The following CSMD3 variants were observed in gnomAD, a reference collection of about 807,000 sequenced individuals.
CSMD3 encodes CUB and Sushi multiple domains 3, also known as CUB and sushi domain-containing protein 3.
In CSMD3, 177 loss-of-function variants were observed where a neutral mutation model predicts 435.2. The observed-to-expected ratio is 0.41, with a 90% CI of 0.36 to 0.46. CSMD3 has a LOEUF of 0.46. Ranked by LOEUF, CSMD3 falls within the 20% of genes least tolerant of loss-of-function variation. The pLI is 0.34. For missense variants in CSMD3, 4,265 were observed against 4,504.6 expected (o/e 0.95, Z 1.52); for synonymous variants, 1,656 against 1,520.5 (o/e 1.09, Z -2.07).
At chr8:112,698,963 GT>G (rs1355711958) in intron 13 of CSMD3, among the ~76,000 whole-genome samples, 2 of 152,024 alleles carry the variant, frequency 1.3e-5, no homozygotes, top group Non-Finnish European at 2.9e-5. Flanking sequence ...CTAAAGGTTT[GT>G]AAATGCACCA....
At chr8:112,530,635 T>C (rs946385207) in intron 27 of CSMD3, among the ~76,000 whole-genome samples, 3 of 152,008 alleles carry the variant, frequency 2.0e-5, no homozygotes, top group Non-Finnish European at 4.4e-5. Flanking sequence ...TTAGGAGAAA[T>C]GCCAAGAAAG....
intron 10 of CSMD3, among the ~76,000 whole-genome samples, chr8:112,898,178 G>T (rs2130403595): frequency 6.6e-6 from 1 of 151,240 alleles, no homozygotes; most frequent in Non-Finnish European, 1.5e-5. Flanking sequence ...ACCAACAGGA[G>T]AAAAGTATTA....
At chr8:112,608,516 C>T (rs1400089875) in intron 22 of CSMD3, among the ~76,000 whole-genome samples, 1 of 151,994 alleles carries the variant, frequency 6.6e-6, no homozygotes, top group Non-Finnish European at 1.5e-5. Context: ...CATCATACTT[C>T]CTGGTTTCAA....
chr8:113,084,104 T>C (rs927183903), intron 5 of CSMD3, among the ~76,000 whole-genome samples: 1 of 152,132 alleles, frequency 6.6e-6, no homozygotes, highest in Non-Finnish European at 1.5e-5. Context: ...AGATTTAAAA[T>C]GAAGGAATTC....
At chr8:113,365,114 T>C (rs1227080088) in intron 1 of CSMD3, among the ~76,000 whole-genome samples, 1 of 152,052 alleles carries the variant, frequency 6.6e-6, no homozygotes, top group African/African-American at 2.4e-5. Flanking sequence ...CCTAATGAGC[T>C]TTCCTTAAGG....
chr8:113,026,577 C>T (rs1391824590), intron 5 of CSMD3, among the ~76,000 whole-genome samples: 1 of 152,126 alleles, frequency 6.6e-6, no homozygotes, highest in Non-Finnish European at 1.5e-5. Context: ...GCTGTTATAT[C>T]CCTGATACTT....
intron 22 of CSMD3, among the ~76,000 whole-genome samples, chr8:112,599,516 T>G (rs1407224380): frequency 6.6e-6 from 1 of 152,064 alleles, no homozygotes; most frequent in Non-Finnish European, 1.5e-5. Context: ...ATCCCATTAC[T>G]GGGTATACAC....
At chr8:112,857,339 A>C (rs1221568155) in intron 11 of CSMD3, among the ~76,000 whole-genome samples, 4 of 151,864 alleles carry the variant, frequency 2.6e-5, no homozygotes, top group Admixed American at 6.6e-5. Flanking sequence ...TGAGTAGATT[A>C]GATAATATAA....
chr8:112,246,638 A>G (rs1039198371), intron 64 of CSMD3, among the ~76,000 whole-genome samples: 1 of 152,168 alleles, frequency 6.6e-6, no homozygotes, highest in Non-Finnish European at 1.5e-5. Flanking sequence ...AGATTCTCAG[A>G]TAATATTTTC....
chr8:112,251,424 G>T (rs879293717), intron 63 of CSMD3, among the ~76,000 whole-genome samples: 4 of 151,398 alleles, frequency 2.6e-5, no homozygotes, highest in Non-Finnish European at 5.9e-5. Context: ...CATTAACTTT[G>T]GTCCTAGGCT....
intron 22 of CSMD3, among the ~76,000 whole-genome samples, chr8:112,627,795 G>A (rs898473555): frequency 6.6e-6 from 1 of 152,114 alleles, no homozygotes; most frequent in Admixed American, 6.6e-5. Flanking sequence ...GGTTCCTGAT[G>A]ATCACATGGT....
chr8:112,231,851 G>A (rs2129901547), intron 68 of CSMD3, among the ~76,000 whole-genome samples: 1 of 152,250 alleles, frequency 6.6e-6, no homozygotes, highest in African/African-American at 2.4e-5. Context: ...ATACAAAACA[G>A]AGATTGGTTA....
At chr8:112,597,186 T>C (rs1431018595) in intron 22 of CSMD3, among the ~76,000 whole-genome samples, 4 of 150,666 alleles carry the variant, frequency 2.7e-5, no homozygotes, top group Non-Finnish European at 5.9e-5. Flanking sequence ...AAAGGGGATA[T>C]CACCACCAAT....
chr8:113,366,678 G>A (rs935391761), intron 1 of CSMD3, among the ~76,000 whole-genome samples: 2 of 151,952 alleles, frequency 1.3e-5, no homozygotes, highest in East Asian at 1.9e-4. Context: ...AAGTTTGAGC[G>A]TATACCATGT....
At chr8:113,406,022 T>A (rs1304033159) in intron 1 of CSMD3, among the ~76,000 whole-genome samples, 1 of 151,818 alleles carries the variant, frequency 6.6e-6, no homozygotes, top group African/African-American at 2.4e-5. Flanking sequence ...CATCACCTGA[T>A]AAATCATAAG....
intron 7 of CSMD3, 147 bp downstream of exon 7, chr8:112,975,690 T>C (rs1211556467): frequency 1.7e-6 from 2 of 1,190,452 alleles, no homozygotes; most frequent in African/African-American, 3.0e-5. Flanking sequence ...TTTTGGTTGT[T>C]ACTATCCATA....
intron 30 of CSMD3, among the ~76,000 whole-genome samples, chr8:112,495,597 C>T (rs748212701): frequency 6.6e-6 from 1 of 152,010 alleles, no homozygotes; most frequent in African/African-American, 2.4e-5. Context: ...TATTTATATC[C>T]ACATATGCCA....
intron 1 of CSMD3, among the ~76,000 whole-genome samples, chr8:113,434,477 A>G (rs974163192): frequency 2.6e-5 from 4 of 152,234 alleles, no homozygotes; most frequent in Admixed American, 1.3e-4. Context: ...CAAAATTGGC[A>G]TCATTCGGAG....
At chr8:113,264,918 T>C (rs897635010) in intron 3 of CSMD3, among the ~76,000 whole-genome samples, 2 of 151,640 alleles carry the variant, frequency 1.3e-5, no homozygotes, top group Non-Finnish European at 1.5e-5. Flanking sequence ...AGATGGTCTG[T>C]ATATCAGCTG....
Sources: gnomAD v4.1 joint callset for allele counts (sites outside exome capture counted in the v4.1 genomes callset) on GRCh38, gnomAD v4.1.1 for gene constraint, MANE v1.5 for transcripts, NCBI Gene and HGNC (gene_info 2026-07-23, HGNC 2026-07-21) for gene names.